Variants in OPTC observed in about 807,000 individuals in gnomAD.
OPTC encodes opticin.
A neutral mutation model predicts 25.4 loss-of-function variants in OPTC; 22 were observed. That is an observed-to-expected ratio of 0.87 (90% CI 0.62 to 1.24). OPTC has a LOEUF of 1.24. Among genes scored for constraint, OPTC ranks in the 50% most tolerant of loss-of-function variants. The probability of loss-of-function intolerance (pLI) is 0.00; values close to 1 mark genes in which losing one functional copy is unlikely to be tolerated. For synonymous variants in OPTC, 169 were observed against 179.3 expected (o/e 0.94, Z 0.46); for missense variants, 417 against 425.2 (o/e 0.98, Z 0.17).
Position 203,496,220 on chromosome 1 carries a change from G to A in OPTC, c.215G>A (p.Gly72Glu). The A allele has an allele frequency of 6.2e-7, 1 of 1,613,416 alleles. No homozygotes were observed. Among genetic ancestry groups the A allele is most frequent in the South Asian group, 1.1e-5 (1 of 91,064 alleles). ...AACTATGAGGAGCTCACAGATTATG[G>A]GGACCAACTCCCCGAGGTGAGGGAC... is the stretch of plus-strand genomic sequence containing the variant. ...LSNYEELTDY[G>E]DQLPEVKVTS... Residue 72 changes from glycine to glutamate, a missense_variant, in exon 2 of 8, where the codon GGG becomes GAG. Physicochemically the swap from Gly to Glu is moderately conservative, Grantham distance 98. Transcript: ENST00000367222.
chr1:203,503,978 A>G (rs1165918670), intron 7 of OPTC, among the ~76,000 whole-genome samples: 1 of 152,176 alleles, frequency 6.6e-6, no homozygotes, highest in Non-Finnish European at 1.5e-5. Flanking sequence ...CTCCTGGCTC[A>G]GAAAATAGCA....
chr1:203,498,649 T>A, intron 3 of OPTC, 32 bp from the exon 4 acceptor site: 1 of 1,613,896 alleles, frequency 6.2e-7, no homozygotes, highest in Non-Finnish European at 8.5e-7. Context: ...GCTAAAGAGA[T>A]CTCCCTTTGT....
At chr1:203,504,363 C>G (rs1422239055) in intron 7 of OPTC, among the ~76,000 whole-genome samples, 1 of 152,144 alleles carries the variant, frequency 6.6e-6, no homozygotes, top group African/African-American at 2.4e-5. Context: ...GGGGGAAACT[C>G]TAGATAATGG....
Position 203,497,127 on chromosome 1 carries a change from G to A in OPTC, c.370+12G>A, listed in dbSNP as rs1378578389. ...CCAGCCCAACCATGGTAAGTGCACA[G>A]TCACATGGTCGCAATATCCCTAGGT... On this transcript the variant is annotated intron_variant, in intron 3 of 7. Coordinates refer to ENST00000367222, the MANE Select transcript of OPTC (RefSeq NM_014359.4). 1 of 1,613,906 alleles carries A rather than the reference G, an allele frequency of 6.2e-7. No individual in the cohort carries two copies. The highest frequency in any genetic ancestry group is 1.7e-5 in the Admixed American group (1 of 60,014).
At chr1:203,500,632 T>C (rs942984283) in intron 5 of OPTC, among the ~76,000 whole-genome samples, 1 of 152,140 alleles carries the variant, frequency 6.6e-6, no homozygotes, top group African/African-American at 2.4e-5. Context: ...AGAACCTCCA[T>C]GAATGGAAAC....
intron 7 of OPTC, among the ~76,000 whole-genome samples, chr1:203,505,723 G>T (rs1661469954): frequency 6.6e-6 from 1 of 152,192 alleles, no homozygotes; most frequent in Admixed American, 6.5e-5. Flanking sequence ...AAGGTGGTGG[G>T]AGGTGACTTC....
chr1:203,506,348 T>C (rs918992670), intron 7 of OPTC, among the ~76,000 whole-genome samples: 8 of 151,894 alleles, frequency 5.3e-5, no homozygotes, highest in African/African-American at 1.9e-4. Flanking sequence ...ACAGGGTTTC[T>C]CCATGTTGGT....
chr1:203,508,414 G>A (rs1000191026), intron 7 of OPTC, among the ~76,000 whole-genome samples: 5 of 152,158 alleles, frequency 3.3e-5, no homozygotes, highest in African/African-American at 9.7e-5. Flanking sequence ...AGAACCTTGG[G>A]GCTCAAAGAC....
chr1:203,494,948 G>A (rs926988633), intron 1 of OPTC, among the ~76,000 whole-genome samples: 1 of 152,152 alleles, frequency 6.6e-6, no homozygotes, highest in Non-Finnish European at 1.5e-5. Flanking sequence ...ATTTCCAGAT[G>A]CGTACACACT....
Position 203,503,598 on chromosome 1 carries a change from G to C in OPTC, c.877G>C (p.Glu293Gln). Residue 293 changes from glutamate (E) to glutamine (Q), a missense_variant, in exon 7 of 8, where the codon GAG (glutamate) becomes CAG (glutamine). Transcript: ENST00000367222. ...MQRDVFCDPE[E>Q]HKHTRRQLED... is the part of the protein sequence containing the mutation. ...GAGAGACGTCTTCTGTGACCCCGAGGAGCACAAACACACCCGCAGGCAGCT... is the reference window on the plus strand; with the variant it reads ...GAGAGACGTCTTCTGTGACCCCGAGCAGCACAAACACACCCGCAGGCAGCT... 6.2e-7 allele frequency: 1 copy of C among 1,613,754 alleles called. No homozygotes were observed. Among genetic ancestry groups the C allele is most frequent in the Non-Finnish European group, 8.5e-7 (1 of 1,180,032 alleles).
chr1:203,503,547 C>G lies in OPTC; in HGVS notation c.829-3C>G, dbSNP rs755758960. The G allele has an allele frequency of 1.2e-6, 2 of 1,613,294 alleles. No individual in the cohort carries two copies. The highest frequency in any genetic ancestry group is 2.7e-5 in the African/African-American group (2 of 75,032). Reference sequence around the variant, plus strand: ...AGGCTCAGCTGGTATGTGTTCTTCCCAGAATAACCTGATAGAGACCATGCA... The same window carrying G: ...AGGCTCAGCTGGTATGTGTTCTTCCGAGAATAACCTGATAGAGACCATGCA... On this transcript the variant is annotated splice_polypyrimidine_tract_variant and splice_region_variant and intron_variant, in intron 6 of 7. Transcript: ENST00000367222.
chr1:203,503,056 G>A, intron 6 of OPTC, 47 bp downstream of exon 6: 2 of 1,471,194 alleles, frequency 1.4e-6, no homozygotes, highest in Non-Finnish European at 1.9e-6. Flanking sequence ...CGTGGAGGAT[G>A]GAAGTTAGAT....
At chr1:203,505,418 C>A (rs1262882958) in intron 7 of OPTC, among the ~76,000 whole-genome samples, 1 of 152,166 alleles carries the variant, frequency 6.6e-6, no homozygotes, top group East Asian at 1.9e-4. Flanking sequence ...GTTAGCCAGG[C>A]AATGAGTTGC....
At chr1:203,496,263 T>G in intron 2 of OPTC, 27 bp downstream of exon 2, 8 of 1,534,418 alleles carry the variant, frequency 5.2e-6, no homozygotes, top group South Asian at 1.1e-5. Flanking sequence ...ACCAACTACA[T>G]TCCCTGCATG....
intron 3 of OPTC, 70 bp downstream of exon 3, chr1:203,497,185 G>A (rs1012604422): frequency 3.2e-5 from 51 of 1,573,780 alleles, no homozygotes; most frequent in Non-Finnish European, 4.4e-5. Context: ...CAGCACCAGG[G>A]GGTACCAAAG....
At chr1:203,499,607 G>A in intron 4 of OPTC, 42 bp from the exon 5 acceptor site, 3 of 1,513,348 alleles carry the variant, frequency 2.0e-6, no homozygotes, top group Non-Finnish European at 1.8e-6. Context: ...GAAAGATAGT[G>A]TGTTCTGGTT....
intron 5 of OPTC, among the ~76,000 whole-genome samples, chr1:203,500,295 T>A (rs1388450659): frequency 2.2e-4 from 2 of 8,894 alleles, no homozygotes; most frequent in Non-Finnish European, 4.0e-4. Context: ...ACCACCCACC[T>A]CCACCACCAC....
chr1:203,494,902 G>A (rs1298679900), intron 1 of OPTC, among the ~76,000 whole-genome samples: 2 of 151,980 alleles, frequency 1.3e-5, no homozygotes, highest in Non-Finnish European at 2.9e-5. Context: ...GCATCTGTGT[G>A]CACACACACA....
chr1:203,497,076 A>C lies in OPTC; in HGVS notation c.331A>C (p.Thr111Pro). 2 of 1,614,000 alleles carry C rather than the reference A, an allele frequency of 1.2e-6. No homozygotes were observed. The highest frequency in any genetic ancestry group is 8.5e-7 in the Non-Finnish European group (1 of 1,179,984). The change falls in exon 3 of 8, where the codon ACT (threonine) becomes CCT (proline). Residue 111 changes from threonine (T) to proline (P), a missense_variant. Transcript: ENST00000367222. Reference protein sequence around the residue: ...PSSNPTMTRPTTAGLLLSSQP... With the variant: ...PSSNPTMTRPPTAGLLLSSQP... ...GTCAAACCCCACGATGACCAGACCT[A>C]CTACAGCAGGGCTGCTACTGAGTTC...
Sources: gnomAD v4.1 joint callset for allele counts (sites outside exome capture counted in the v4.1 genomes callset) on GRCh38, gnomAD v4.1.1 for gene constraint, MANE v1.5 for transcripts, NCBI Gene and HGNC (gene_info 2026-07-23, HGNC 2026-07-21) for gene names.